The following HIVEP3 variants were observed in gnomAD, a reference collection of about 807,000 sequenced individuals.
The protein encoded by HIVEP3 is HIVEP zinc finger 3.
Under a neutral mutation model 152.8 loss-of-function variants are expected in HIVEP3, and 49 were observed. That is an observed-to-expected ratio of 0.32 (90% CI 0.26 to 0.41). The LOEUF (loss-of-function observed/expected upper bound fraction) is 0.41, where lower values mean the gene tolerates loss of function less well. Among genes scored for constraint, HIVEP3 ranks in the 10% least tolerant of loss-of-function variants. The pLI, the probability that HIVEP3 is intolerant of heterozygous loss-of-function variation, is 1.00. For synonymous variants in HIVEP3, 1,269 were observed against 1,289.0 expected (o/e 0.98, Z 0.33); for missense variants, 2,790 against 3,103.3 (o/e 0.90, Z 2.40).
At chr1:41,525,100 C>T (rs550938321) in intron 5 of HIVEP3, among the ~76,000 whole-genome samples, 190 bp from the exon 6 acceptor site, 2 of 152,186 alleles carry the variant, frequency 1.3e-5, no homozygotes, top group African/African-American at 4.8e-5. Context: ...CGGACCCCTG[C>T]GCCCCTCCCC....
Position 41,513,000 on chromosome 1 carries a change from G to A in HIVEP3, c.6221C>T (p.Pro2074Leu). 1 of 1,613,538 alleles carries A rather than the reference G, an allele frequency of 6.2e-7. No homozygotes were observed. The highest frequency in any genetic ancestry group is 2.2e-5 in the East Asian group (1 of 44,870). ...CCGTGGTGGTGACTCGGCCTGACCTGGAGACCATCTCCTGGTGGGCGAGTA... is the reference window on the plus strand; with the variant it reads ...CCGTGGTGGTGACTCGGCCTGACCTAGAGACCATCTCCTGGTGGGCGAGTA... ...PRYSPTRRWS[P>L]GQAESPPRSA... The change falls in exon 8 of 9, where the codon CCA becomes CTA. Residue 2074 changes from proline (P) to leucine (L), a missense_variant. Physicochemically the swap from Pro to Leu is moderately conservative, Grantham distance 98 (BLOSUM62 -3). Transcript: ENST00000372583.
At chr1:41,939,343 T>G (rs1432247148) in intron 1 of HIVEP3, among the ~76,000 whole-genome samples, 3 of 152,300 alleles carry the variant, frequency 2.0e-5, no homozygotes, top group African/African-American at 7.2e-5. Context: ...AACTCCAGAA[T>G]TTGGGAATAA....
At chr1:41,579,097 G>A (rs1267908439) in intron 4 of HIVEP3, among the ~76,000 whole-genome samples, 4 of 152,176 alleles carry the variant, frequency 2.6e-5, no homozygotes, top group Admixed American at 1.3e-4. Context: ...AAACATTAGC[G>A]TTTCTTGACC....
chr1:41,817,360 A>G (rs1056536346), intron 1 of HIVEP3, among the ~76,000 whole-genome samples: 2 of 152,182 alleles, frequency 1.3e-5, no homozygotes, highest in African/African-American at 4.8e-5. Flanking sequence ...AAGGAGTTGC[A>G]ATGAAACCTG....
In HIVEP3 at chr1:41,552,030, T is replaced by C. The variant is rs1558054268; in HGVS notation, c.5207+23514A>G. Among the ~76,000 whole-genome samples the C allele has an allele frequency of 4.6e-5, 7 of 152,302 alleles. No homozygotes were observed. In the South Asian group the frequency reaches 1.4e-3, roughly 32 times the overall value. On this transcript the variant is annotated intron_variant, in intron 5 of 8. Transcript: ENST00000372583. ...TCTTGTAGGCATTTAGTGCTATAAA[T>C]TTCCCTCTACACACTGCTTTAAATG... is the stretch of plus-strand genomic sequence containing the variant.
chr1:41,785,287 C>A (rs750214666), intron 1 of HIVEP3, among the ~76,000 whole-genome samples: 3 of 152,168 alleles, frequency 2.0e-5, no homozygotes, highest in Non-Finnish European at 4.4e-5. Context: ...TTCCTCTCTG[C>A]CCATCATCTG....
chr1:41,850,383 G>A (rs971518239), intron 1 of HIVEP3, among the ~76,000 whole-genome samples: 10 of 152,144 alleles, frequency 6.6e-5, no homozygotes, highest in African/African-American at 2.4e-4. Context: ...AGAATAAAAG[G>A]AGCCTTAGGG....
intron 1 of HIVEP3, among the ~76,000 whole-genome samples, chr1:42,006,044 CA>C (rs1645457682): frequency 6.6e-6 from 1 of 152,084 alleles, no homozygotes; most frequent in South Asian, 2.1e-4. Context: ...AAGGTCACGA[CA>C]AGTTAAAAAT....
At chr1:41,861,104 C>A (rs1342463949) in intron 1 of HIVEP3, among the ~76,000 whole-genome samples, 1 of 152,214 alleles carries the variant, frequency 6.6e-6, no homozygotes, top group African/African-American at 2.4e-5. Flanking sequence ...CCATTCACAG[C>A]CTATAGCACT....
intron 1 of HIVEP3, among the ~76,000 whole-genome samples, chr1:41,785,630 C>T (rs1192298115): frequency 4.6e-5 from 7 of 152,216 alleles, no homozygotes; most frequent in East Asian, 1.9e-4. Flanking sequence ...TTAAATGAGA[C>T]GAAACCAAGA....
At chr1:41,709,661 A>T (rs1038845033) in intron 1 of HIVEP3, among the ~76,000 whole-genome samples, 15 of 152,186 alleles carry the variant, frequency 9.9e-5, no homozygotes, top group African/African-American at 3.4e-4. Context: ...ACTGGAGTTC[A>T]TGTGGGGCTC....
chr1:41,588,738 G>A (rs1644542703), intron 3 of HIVEP3, among the ~76,000 whole-genome samples: 1 of 152,172 alleles, frequency 6.6e-6, no homozygotes, highest in South Asian at 2.1e-4. Flanking sequence ...GAGTGAGCGA[G>A]GCCTGTGAGC....
intron 1 of HIVEP3, among the ~76,000 whole-genome samples, chr1:41,787,346 A>G (rs1048126711): frequency 6.6e-6 from 1 of 152,132 alleles, no homozygotes; most frequent in African/African-American, 2.4e-5. Context: ...GTAAATGTAA[A>G]TGAAAACTAA....
intron 1 of HIVEP3, among the ~76,000 whole-genome samples, chr1:41,771,491 G>A (rs1209592507): frequency 3.3e-5 from 5 of 152,160 alleles, no homozygotes; most frequent in African/African-American, 9.7e-5. Context: ...AGCAGTTTAG[G>A]TTGACCTCTT....
chr1:41,703,745 GAAGT>G (rs1227236942), intron 1 of HIVEP3, among the ~76,000 whole-genome samples: 2 of 152,186 alleles, frequency 1.3e-5, no homozygotes, highest in African/African-American at 2.4e-5. Context: ...TTTCTGTAAA[GAAGT>G]AAGTATCTAT....
At chr1:41,624,556 AT>A (rs2149144671) in intron 3 of HIVEP3, among the ~76,000 whole-genome samples, 1 of 152,300 alleles carries the variant, frequency 6.6e-6, no homozygotes, top group South Asian at 2.1e-4. Context: ...TTGTGTTGTC[AT>A]TTTTTAAATT....
At chr1:41,703,436 C>T (rs1257395162) in intron 1 of HIVEP3, among the ~76,000 whole-genome samples, 1 of 152,134 alleles carries the variant, frequency 6.6e-6, no homozygotes, top group Non-Finnish European at 1.5e-5. Context: ...TGCATGCGTC[C>T]GAATCCTGAT....
chr1:41,595,968 C>G (rs1405627849), intron 3 of HIVEP3, among the ~76,000 whole-genome samples: 1 of 152,094 alleles, frequency 6.6e-6, no homozygotes, highest in Non-Finnish European at 1.5e-5. Flanking sequence ...ATACATCTAT[C>G]CTAGTAGTTC....
intron 1 of HIVEP3, among the ~76,000 whole-genome samples, chr1:41,704,077 C>T (rs1172141805): frequency 6.6e-6 from 1 of 152,206 alleles, no homozygotes; most frequent in Admixed American, 6.5e-5. Context: ...CTCACACCTA[C>T]CTTGAAGGGA....
Sources: allele counts gnomAD v4.1 joint callset (sites outside exome capture counted in the v4.1 genomes callset), GRCh38; gene constraint gnomAD v4.1.1; transcripts MANE v1.5; gene names NCBI Gene and HGNC (gene_info 2026-07-23, HGNC 2026-07-21).